Variants in GABBR2 observed in about 807,000 individuals in gnomAD.
GABBR2 encodes gamma-aminobutyric acid type B receptor subunit 2, also known as G-protein coupled receptor 51.
In GABBR2, 23 loss-of-function variants were observed where a neutral mutation model predicts 105.6. The ratio of observed to expected loss-of-function variants is 0.22; its 90% CI spans 0.16 to 0.31. The LOEUF (loss-of-function observed/expected upper bound fraction) is 0.31, where lower values mean the gene tolerates loss of function less well. Among genes scored for constraint, GABBR2 ranks in the 10% least tolerant of loss-of-function variants. The probability of loss-of-function intolerance (pLI) is 1.00; values close to 1 mark genes in which losing one functional copy is unlikely to be tolerated. For synonymous variants in GABBR2, 478 were observed against 499.7 expected, an observed-to-expected ratio of 0.96 and a Z score of 0.58; for missense variants, 734 against 1,245.5, an observed-to-expected ratio of 0.59 and a Z score of 6.18.
At chr9:98,595,389 T>C (rs904151875) in intron 1 of GABBR2, among the ~76,000 whole-genome samples, 3 of 151,532 alleles carry the variant, frequency 2.0e-5, no homozygotes, top group African/African-American at 7.3e-5. Flanking sequence ...GAAAGGAAAC[T>C]TTTAGACTGC....
intron 7 of GABBR2, among the ~76,000 whole-genome samples, chr9:98,411,973 C>T (rs1043581588): frequency 1.3e-5 from 2 of 152,198 alleles, no homozygotes; most frequent in African/African-American, 4.8e-5. Context: ...TTAACAGCCT[C>T]CTCTTAGAAA....
chr9:98,448,909 G>A (rs1426190690), intron 7 of GABBR2, among the ~76,000 whole-genome samples: 1 of 133,196 alleles, frequency 7.5e-6, no homozygotes, highest in Non-Finnish European at 1.6e-5. Flanking sequence ...ACTGGAAACT[G>A]GAAAGAGTTT....
chr9:98,585,105 G>T (rs934148366), intron 1 of GABBR2, among the ~76,000 whole-genome samples: 9 of 152,198 alleles, frequency 5.9e-5, no homozygotes, highest in Non-Finnish European at 1.0e-4. Context: ...GCCTTTGGAG[G>T]ACAGATTTTT....
At chr9:98,513,209 A>C (rs1225776014) in intron 3 of GABBR2, among the ~76,000 whole-genome samples, 1 of 151,488 alleles carries the variant, frequency 6.6e-6, no homozygotes, top group Non-Finnish European at 1.5e-5. Flanking sequence ...CCATATGTAG[A>C]AAGCTGAAAC....
At chr9:98,703,519 G>A (rs893328429) in intron 1 of GABBR2, among the ~76,000 whole-genome samples, 1 of 152,088 alleles carries the variant, frequency 6.6e-6, no homozygotes, top group African/African-American at 2.4e-5. Context: ...TTGAGACAGA[G>A]TCTTGCTCTG....
At chr9:98,588,729 A>C (rs1412310059) in intron 1 of GABBR2, among the ~76,000 whole-genome samples, 1 of 152,108 alleles carries the variant, frequency 6.6e-6, no homozygotes, top group Non-Finnish European at 1.5e-5. Flanking sequence ...GTAAGACTAC[A>C]TTTCCCAGCC....
chr9:98,295,298 A>C (rs556873100), intron 17 of GABBR2, among the ~76,000 whole-genome samples: 7 of 152,092 alleles, frequency 4.6e-5, no homozygotes, highest in Non-Finnish European at 1.0e-4. Context: ...ATCTTCCTGA[A>C]GGTTATTTAG....
At chr9:98,318,184 CT>C (rs751652500) in intron 13 of GABBR2, among the ~76,000 whole-genome samples, 1 of 152,198 alleles carries the variant, frequency 6.6e-6, no homozygotes, top group Non-Finnish European at 1.5e-5. Context: ...GCCTGGGGAG[CT>C]TGTTAAAATG....
chr9:98,570,194 A>C (rs1488918627), intron 2 of GABBR2, among the ~76,000 whole-genome samples: 2 of 152,178 alleles, frequency 1.3e-5, no homozygotes, highest in Non-Finnish European at 2.9e-5. Context: ...CACAAGCCGA[A>C]ATGTTCCTTC....
At chr9:98,661,974 G>A (rs774619265) in intron 1 of GABBR2, among the ~76,000 whole-genome samples, 4 of 152,060 alleles carry the variant, frequency 2.6e-5, no homozygotes, top group Admixed American at 6.6e-5. Flanking sequence ...CAACCACATC[G>A]CAGCTCAACT....
chr9:98,437,927 T>C (rs181108078), intron 7 of GABBR2, among the ~76,000 whole-genome samples: 2 of 151,164 alleles, frequency 1.3e-5, no homozygotes, highest in African/African-American at 4.9e-5. Context: ...TACCCATCCA[T>C]CCATCTACCT....
At chr9:98,636,401 A>G (rs1829876526) in intron 1 of GABBR2, among the ~76,000 whole-genome samples, 1 of 152,056 alleles carries the variant, frequency 6.6e-6, no homozygotes. Flanking sequence ...ATGAAACTGA[A>G]TCATGCCCTT....
chr9:98,573,858 T>C (rs1040987822), intron 2 of GABBR2, among the ~76,000 whole-genome samples: 1 of 152,258 alleles, frequency 6.6e-6, no homozygotes, highest in African/African-American at 2.4e-5. Context: ...TACATCTATA[T>C]CTATGCTTTA....
chr9:98,391,879 A>C (rs998167773), intron 9 of GABBR2, among the ~76,000 whole-genome samples: 3 of 152,170 alleles, frequency 2.0e-5, no homozygotes, highest in Non-Finnish European at 4.4e-5. Flanking sequence ...CAGCAAGGGC[A>C]CTTTGGCTGC....
chr9:98,296,554 G>C (rs147284846), intron 17 of GABBR2, among the ~76,000 whole-genome samples: 3 of 152,136 alleles, frequency 2.0e-5, no homozygotes, highest in African/African-American at 4.8e-5. Flanking sequence ...GCAGCTTTTT[G>C]ATCTCTGATC....
intron 13 of GABBR2, among the ~76,000 whole-genome samples, chr9:98,313,632 C>A (rs1421858831): frequency 6.6e-6 from 1 of 152,118 alleles, no homozygotes; most frequent in Admixed American, 6.5e-5. Flanking sequence ...ATCTGTTTGC[C>A]ACTGGGAGTA....
At chr9:98,540,009 G>A (rs1363030877) in intron 3 of GABBR2, among the ~76,000 whole-genome samples, 2 of 152,090 alleles carry the variant, frequency 1.3e-5, no homozygotes, top group Non-Finnish European at 2.9e-5. Flanking sequence ...CCATGGGATG[G>A]GTCCTTCTTA....
intron 1 of GABBR2, among the ~76,000 whole-genome samples, chr9:98,647,438 G>A (rs980710364): frequency 2.6e-5 from 4 of 152,214 alleles, no homozygotes; most frequent in African/African-American, 9.6e-5. Context: ...AGAGGGCTTT[G>A]GAAACAGATG....
intron 1 of GABBR2, among the ~76,000 whole-genome samples, chr9:98,642,032 G>A (rs549339543): frequency 8.5e-5 from 13 of 152,296 alleles, no homozygotes; most frequent in East Asian, 5.8e-4. Context: ...GCTACTTCCC[G>A]CTTACGGCAG....
Sources: gnomAD v4.1 joint callset for allele counts (sites outside exome capture counted in the v4.1 genomes callset) on GRCh38, gnomAD v4.1.1 for gene constraint, MANE v1.5 for transcripts, NCBI Gene and HGNC (gene_info 2026-07-23, HGNC 2026-07-21) for gene names.